CST5: variants seen among roughly 807,000 people sequenced by gnomAD.
CST5 encodes cystatin-D.
Under a neutral mutation model 11.5 loss-of-function variants are expected in CST5, and 13 were observed. The observed-to-expected ratio is 1.13, with a 90% CI of 0.73 to 1.79. CST5 has a LOEUF of 1.79. Among genes scored for constraint, CST5 ranks in the 40% most tolerant of loss-of-function variants. CST5 has a pLI of 0.00. For missense variants in CST5, 219 were observed against 174.5 expected, an observed-to-expected ratio of 1.25 and a Z score of -1.44; for synonymous variants, 81 against 67.6, an observed-to-expected ratio of 1.20 and a Z score of -0.97.
At chr20:23,879,362 T>A in intron 1 of CST5, 84 bp downstream of exon 1, 1 of 976,894 alleles carries the variant, frequency 1.0e-6, no homozygotes, top group Non-Finnish European at 1.6e-6. Context: ...GTTTAGATAA[T>A]GTTGATTTGC....
In CST5 at chr20:23,879,732, A is replaced by C; in HGVS notation, c.-56T>G. 1 of 1,544,322 alleles carries C rather than the reference A, an allele frequency of 6.5e-7. No homozygotes were observed. Among genetic ancestry groups the C allele is most frequent in the Non-Finnish European group, 8.8e-7 (1 of 1,131,348 alleles). On this transcript the variant is annotated 5_prime_UTR_variant, in exon 1 of 3. Coordinates refer to ENST00000304710, the MANE Select transcript of CST5 (RefSeq NM_001900.5). ...ATCTCCCAGAGAGCAAAGCAGCAGA[A>C]GGCTGAGGCAGGAAGCCCAGGCCAG...
chr20:23,877,651 G>A (rs1220345836), intron 1 of CST5, 33 bp from the exon 2 acceptor site: 2 of 1,540,308 alleles, frequency 1.3e-6, no homozygotes, highest in East Asian at 2.2e-5. Context: ...AGCAGGGGCA[G>A]CATGCTGTCA....
At position 23,876,351 on chromosome 20, in the gene CST5, G is replaced by T. The variant is rs180813817; in HGVS notation, c.346-80C>A. ...ATGCCCAGGAATGGGACATCAGAAT[G>T]GGGGTGAAAATGGTTGGAGATGAGA... On this transcript the variant is annotated intron_variant, in intron 2 of 2. Coordinates refer to ENST00000304710, the MANE Select transcript of CST5 (RefSeq NM_001900.5). 7,693 of 1,179,242 alleles carry T rather than the reference G, an allele frequency of 6.5e-3. 47 individuals are homozygous for T. Among genetic ancestry groups the T allele is most frequent in the Non-Finnish European group, 8.3e-3 (6,664 of 800,294 alleles). 73.0% of individuals were successfully genotyped at this position (1,179,242 alleles called of 1,614,324 possible).
Position 23,877,536 on chromosome 20 carries a change from C to A in CST5, c.314G>T (p.Cys105Phe). The part of the protein sequence containing the change: ...CTKSQPNLDN[C>F]PFNDQPKLKE... ...CAGTTTTGGCTGGTCATTGAAGGGA[C>A]AGTTGTCCAAGTTGGGCTGGGACTT... The change falls in exon 2 of 3, where the codon TGT (cysteine) becomes TTT (phenylalanine). Residue 105 changes from cysteine (C) to phenylalanine (F), a missense_variant. Physicochemically the swap from Cys to Phe is radical, Grantham distance 205 (BLOSUM62 -2). Coordinates refer to ENST00000304710, the MANE Select transcript of CST5 (RefSeq NM_001900.5). The A allele has an allele frequency of 1.9e-6, 3 of 1,614,182 alleles. No homozygotes were observed. The highest frequency in any genetic ancestry group is 2.5e-6 in the Non-Finnish European group (3 of 1,180,022).
chr20:23,879,717 G>A lies in CST5; in HGVS notation c.-41C>T. 2 of 1,582,698 alleles carry A rather than the reference G, an allele frequency of 1.3e-6. No homozygotes were observed. The highest frequency in any genetic ancestry group is 1.3e-5 in the African/African-American group (1 of 74,308). On this transcript the variant is annotated 5_prime_UTR_variant, in exon 1 of 3. Transcript: ENST00000304710. The stretch of plus-strand genomic sequence containing the variant: ...AGAGCAAGGAGCTGGATCTCCCAGA[G>A]AGCAAAGCAGCAGAAGGCTGAGGCA...
At chr20:23,877,168 TTCC>T (rs1358468698) in intron 2 of CST5, among the ~76,000 whole-genome samples, 4 of 151,948 alleles carry the variant, frequency 2.6e-5, no homozygotes, top group Non-Finnish European at 5.9e-5. Flanking sequence ...CCTGTGCATC[TTCC>T]TCATGTATGC....
chr20:23,878,120 T>A (rs4813510), intron 1 of CST5, among the ~76,000 whole-genome samples: 38,968 of 151,926 alleles, frequency 0.26, 5,044 homozygotes, highest in South Asian at 0.28. Flanking sequence ...AAATTTCAGC[T>A]AACTTCCAGC....
rs1568570318 is a variant in CST5, at chr20:23,879,716, A to G, written c.-40T>C. ...CAGAGCAAGGAGCTGGATCTCCCAGAGAGCAAAGCAGCAGAAGGCTGAGGC... is the reference window on the plus strand; with the variant it reads ...CAGAGCAAGGAGCTGGATCTCCCAGGGAGCAAAGCAGCAGAAGGCTGAGGC... On this transcript the variant is annotated 5_prime_UTR_variant, in exon 1 of 3. Coordinates refer to ENST00000304710, the MANE Select transcript of CST5 (RefSeq NM_001900.5). 1 of 1,583,388 alleles carries G rather than the reference A, an allele frequency of 6.3e-7. No homozygotes were observed. The highest frequency in any genetic ancestry group is 8.6e-7 in the Non-Finnish European group (1 of 1,157,822).
Position 23,879,644 on chromosome 20 carries a change from C to A in CST5, c.33G>T (p.Leu11=), listed in dbSNP as rs201048705. ...CCACGGCCACCATCAAGGCAGTCAG[C>A]AGCAGCAGTGGGGTGTGCATGGGCC... MMWPMHTPLL[L]LTALMVAVAG... The change falls in exon 1 of 3, where the codon CTG becomes CTT. Residue 11 remains leucine (L), a synonymous_variant. Coordinates refer to ENST00000304710, the MANE Select transcript of CST5 (RefSeq NM_001900.5). 3.5e-5 allele frequency: 56 copies of A among 1,614,076 alleles called. No individual in the cohort carries two copies. The highest frequency in any genetic ancestry group is 1.6e-4 in the Middle Eastern group (1 of 6,062).
At chr20:23,877,891 C>G (rs1207167685) in intron 1 of CST5, among the ~76,000 whole-genome samples, 2 of 152,176 alleles carry the variant, frequency 1.3e-5, no homozygotes, top group African/African-American at 4.8e-5. Flanking sequence ...GAAGCCAGGG[C>G]CTAAAACCCC....
chr20:23,878,966 G>A (rs1287338015), intron 1 of CST5, among the ~76,000 whole-genome samples: 1 of 152,228 alleles, frequency 6.6e-6, no homozygotes, highest in African/African-American at 2.4e-5. Context: ...GGGCTGTAGG[G>A]GGTGGTCAGC....
At position 23,877,527 on chromosome 20, in the gene CST5, T is replaced by C. The variant is rs1568569515; in HGVS notation, c.323A>G (p.Asn108Ser). 1 of 1,613,974 alleles carries C rather than the reference T, an allele frequency of 6.2e-7. No homozygotes were observed. Among genetic ancestry groups the C allele is most frequent in the Admixed American group, 1.7e-5 (1 of 60,012 alleles). ...SQPNLDNCPFNDQPKLKEEEF... is the reference protein window; with the variant it reads ...SQPNLDNCPFSDQPKLKEEEF... ...TACCTCTTTCAGTTTTGGCTGGTCA[T>C]TGAAGGGACAGTTGTCCAAGTTGGG... The change falls in exon 2 of 3, where the codon AAT (asparagine) becomes AGT (serine). Residue 108 changes from asparagine to serine, a missense_variant. Asn to Ser is a conservative substitution (Grantham distance 46). Coordinates refer to ENST00000304710, the MANE Select transcript of CST5 (RefSeq NM_001900.5).
chr20:23,879,015 G>A (rs1036447296), intron 1 of CST5, among the ~76,000 whole-genome samples: 2 of 152,228 alleles, frequency 1.3e-5, no homozygotes, highest in Non-Finnish European at 2.9e-5. Context: ...AACGGGCTGT[G>A]CCCAGGGGCG....
rs75418579 is a variant in CST5 at position 23,879,386 on chromosome 20, G to T, written c.231+60C>A. 26 of 1,250,752 alleles carry T rather than the reference G, an allele frequency of 2.1e-5. 1 individual carries two copies. Among genetic ancestry groups the T allele is most frequent in the Non-Finnish European group, 2.9e-5 (25 of 857,482 alleles). The allele number at this position is 1,250,752 out of a possible 1,614,324, so 77.5% of individuals were successfully genotyped here. ...ATGTTGATTTGCTGGGAGTGCTCTG[G>T]GGGGTGAGGCAAAAAACCCAGCTGG... On this transcript the variant is annotated intron_variant, in intron 1 of 2. Transcript: ENST00000304710.
Position 23,878,634 on chromosome 20 carries a change from A to AGG in CST5, c.231+811_231+812insCC, listed in dbSNP as rs879553066. 7.4e-3 allele frequency among the ~76,000 whole-genome samples: 1,129 copies of AGG among 152,290 alleles called. 17 individuals carry two copies. Among genetic ancestry groups the AGG allele is most frequent in the East Asian group, 0.037 (191 of 5,168 alleles). On this transcript the variant is annotated intron_variant, in intron 1 of 2. Transcript: ENST00000304710. The stretch of plus-strand genomic sequence containing the variant: ...CCAGCAGGGACCACAGCACCAGGGA[A>AGG]TGCCCCTCCTGTGCAGGGAGAGGGC...
In CST5 at chr20:23,879,599, T is replaced by G. The variant is rs746217430; in HGVS notation, c.78A>C (p.Gln26His). ...GGATGCCACCTGCCAAGGTCCTAGA[T>G]TGGGCCGAGGCACTCCCGGCCACGG... is the stretch of plus-strand genomic sequence containing the variant. Reference protein sequence around the residue: ...MVAVAGSASAQSRTLAGGIHA... With the variant: ...MVAVAGSASAHSRTLAGGIHA... The change falls in exon 1 of 3, where the codon CAA (glutamine) becomes CAC (histidine). Residue 26 changes from glutamine to histidine, a missense_variant. Gln to His is a conservative substitution (Grantham distance 24). Coordinates refer to ENST00000304710, the MANE Select transcript of CST5 (RefSeq NM_001900.5). The G allele has an allele frequency of 1.2e-6, 2 of 1,613,892 alleles. No individual in the cohort carries two copies. The highest frequency in any genetic ancestry group is 4.5e-5 in the East Asian group (2 of 44,874).
rs144164912 is a variant in CST5 at position 23,877,615 on chromosome 20, C to G, written c.235G>C (p.Val79Leu). The change falls in exon 2 of 3, where the codon GTG (valine) becomes CTG (leucine). Residue 79 changes from valine (V) to leucine (L), a missense_variant. Coordinates refer to ENST00000304710, the MANE Select transcript of CST5 (RefSeq NM_001900.5). ...TTGAAGTAGTAGTTCACCCCACCCA[C>G]GATCTACACGCGTGGAAGAGCAGGA... ...LQVMAAYQQI[V>L]GGVNYYFNVK... The G allele has an allele frequency of 7.6e-7, 1 of 1,307,716 alleles. No individual in the cohort carries two copies. Among genetic ancestry groups the G allele is most frequent in the Non-Finnish European group, 9.8e-7 (1 of 1,018,182 alleles). 81.0% of individuals were successfully genotyped at this position (1,307,716 alleles called of 1,614,324 possible). A position where few individuals can be genotyped will look rare whatever the true frequency, so the allele number is the denominator to read the frequency against.
At chr20:23,876,398 T>C in intron 2 of CST5, 127 bp from the exon 3 acceptor site, 2 of 684,660 alleles carry the variant, frequency 2.9e-6, no homozygotes, top group Non-Finnish European at 5.0e-6. Context: ...GACCCCAACC[T>C]ACCCCTGCCG....
At chr20:23,876,390 C>T (rs537805983) in intron 2 of CST5, 119 bp from the exon 3 acceptor site, 724 of 713,718 alleles carry the variant, frequency 1.0e-3, no homozygotes, top group Non-Finnish European at 8.3e-4. Context: ...TGCCCCCTGA[C>T]CCCAACCTAC....
Sources: gnomAD v4.1 joint callset for allele counts (sites outside exome capture counted in the v4.1 genomes callset) on GRCh38, gnomAD v4.1.1 for gene constraint, MANE v1.5 for transcripts, NCBI Gene and HGNC (gene_info 2026-07-23, HGNC 2026-07-21) for gene names.